CLVS1: variants seen among roughly 807,000 people sequenced by gnomAD.
CLVS1 encodes clavesin 1, also known as clavesin-1.
A neutral mutation model predicts 33.1 loss-of-function variants in CLVS1; 10 were observed. The observed-to-expected ratio is 0.30, with a 90% confidence interval of 0.19 to 0.51. The LOEUF (loss-of-function observed/expected upper bound fraction) is 0.51, where lower values mean the gene tolerates loss of function less well. Among genes scored for constraint, CLVS1 ranks in the 20% least tolerant of loss-of-function variants. The pLI is 0.97. For synonymous variants in CLVS1, 163 were observed against 166.1 expected (o/e 0.98, Z 0.14); for missense variants, 343 against 433.4 (o/e 0.79, Z 1.85).
chr8:61,185,794 C>T (rs1435966134), intron 2 of CLVS1, among the ~76,000 whole-genome samples: 1 of 152,132 alleles, frequency 6.6e-6, no homozygotes, highest in Non-Finnish European at 1.5e-5. Flanking sequence ...GGCTCAGTTT[C>T]TTCATTTGTA....
intron 1 of CLVS1, among the ~76,000 whole-genome samples, chr8:61,121,115 G>A (rs922928907): frequency 3.4e-4 from 51 of 151,872 alleles, no homozygotes; most frequent in African/African-American, 1.0e-3. Context: ...CGCAGTATTC[G>A]GGTGGGAGTG....
chr8:61,499,610 C>CACA lies in CLVS1; in HGVS notation c.*71_*73dup, dbSNP rs376574194. ...GTATCAGCCACCCAGGAAGCACATG[C>CACA]ACAACTGACCCATGCAGACACGTGT... On this transcript the variant is annotated 3_prime_UTR_variant, in exon 6 of 6. Coordinates refer to ENST00000325897, the MANE Select transcript of CLVS1 (RefSeq NM_173519.3). 27 of 1,120,164 alleles carry CACA rather than the reference C, an allele frequency of 2.4e-5. No individual in the cohort carries two copies. The highest frequency in any genetic ancestry group is 2.1e-4 in the Middle Eastern group (1 of 4,734). The allele number at this position is 1,120,164 out of a possible 1,614,324, so 69.4% of individuals were successfully genotyped here.
At chr8:61,251,649 T>C (rs1453092412) in intron 2 of CLVS1, among the ~76,000 whole-genome samples, 1 of 152,210 alleles carries the variant, frequency 6.6e-6, no homozygotes, top group Non-Finnish European at 1.5e-5. Flanking sequence ...TGGGAGAGTG[T>C]ATGTGTTTAG....
intron 1 of CLVS1, among the ~76,000 whole-genome samples, chr8:61,107,523 C>T (rs1014667994): frequency 6.6e-6 from 1 of 152,330 alleles, no homozygotes; most frequent in African/African-American, 2.4e-5. Context: ...TAATGCCCTT[C>T]ATGAGGGTGG....
intron 2 of CLVS1, among the ~76,000 whole-genome samples, chr8:61,139,251 G>A (rs778312757): frequency 3.9e-5 from 6 of 152,172 alleles, no homozygotes; most frequent in Non-Finnish European, 7.4e-5. Context: ...CCCGCGAGGC[G>A]CCGCGGGGGC....
chr8:61,366,955 T>C (rs1813235678), intron 2 of CLVS1, among the ~76,000 whole-genome samples: 1 of 152,190 alleles, frequency 6.6e-6, no homozygotes, highest in African/African-American at 2.4e-5. Context: ...TCCTACTATG[T>C]AAGAACTAGT....
At chr8:61,159,613 G>T (rs1020359939) in intron 2 of CLVS1, among the ~76,000 whole-genome samples, 1 of 152,178 alleles carries the variant, frequency 6.6e-6, no homozygotes, top group African/African-American at 2.4e-5. Flanking sequence ...TCCTACTGGG[G>T]TGGCTCTTTT....
At chr8:61,102,102 T>G (rs1805461539) in intron 1 of CLVS1, among the ~76,000 whole-genome samples, 2 of 152,160 alleles carry the variant, frequency 1.3e-5, no homozygotes, top group African/African-American at 4.8e-5. Flanking sequence ...ATATAAATTT[T>G]GGGATCAGCT....
At chr8:61,003,232 C>T in the CLVS1 span, among the ~76,000 whole-genome samples, 1 of 152,104 alleles carries the variant, frequency 6.6e-6, no homozygotes, top group Admixed American at 6.5e-5. Context: ...TGGAAGGGGT[C>T]ACTTTCAAGG....
intron 1 of CLVS1, among the ~76,000 whole-genome samples, chr8:61,098,867 C>T (rs997076583): frequency 5.9e-5 from 9 of 152,128 alleles, no homozygotes; most frequent in Non-Finnish European, 1.2e-4. Flanking sequence ...ATATACTGAA[C>T]AGTTTGCCAA....
At chr8:61,271,351 C>G (rs945126591) in intron 2 of CLVS1, among the ~76,000 whole-genome samples, 1 of 150,390 alleles carries the variant, frequency 6.6e-6, no homozygotes, top group South Asian at 2.1e-4. Context: ...ATCCTGAGTT[C>G]TAGTTTGATT....
chr8:61,398,296 C>T (rs1814615945), intron 3 of CLVS1, among the ~76,000 whole-genome samples: 1 of 151,636 alleles, frequency 6.6e-6, no homozygotes, highest in Admixed American at 6.6e-5. Flanking sequence ...AGCCTTCCAC[C>T]TCAGCCTCCC....
intron 2 of CLVS1, among the ~76,000 whole-genome samples, chr8:61,224,600 T>C (rs906126393): frequency 1.3e-5 from 2 of 152,202 alleles, no homozygotes; most frequent in Non-Finnish European, 2.9e-5. Flanking sequence ...AGTAGGATCG[T>C]TCCTGTATAA....
At chr8:61,184,430 T>C (rs543832620) in intron 2 of CLVS1, among the ~76,000 whole-genome samples, 2 of 152,330 alleles carry the variant, frequency 1.3e-5, no homozygotes, top group East Asian at 3.9e-4. Flanking sequence ...ACAGCACTGC[T>C]TCTACCAGGC....
the CLVS1 span, among the ~76,000 whole-genome samples, chr8:61,014,359 C>G: frequency 6.6e-6 from 1 of 152,166 alleles, no homozygotes; most frequent in African/African-American, 2.4e-5. Flanking sequence ...CAAATGTAAT[C>G]GGAAGCCTGA....
intron 1 of CLVS1, among the ~76,000 whole-genome samples, chr8:61,116,074 G>A (rs1342536787): frequency 6.6e-6 from 1 of 151,330 alleles, no homozygotes; most frequent in South Asian, 2.1e-4. Context: ...ATTCTAACTG[G>A]TGTGAGATGG....
At chr8:61,101,944 T>C (rs1401647131) in intron 1 of CLVS1, among the ~76,000 whole-genome samples, 1 of 152,184 alleles carries the variant, frequency 6.6e-6, no homozygotes, top group Non-Finnish European at 1.5e-5. Flanking sequence ...ACTCTCGATA[T>C]ATTTCGTTGA....
At chr8:61,253,913 C>T (rs1809010893) in intron 2 of CLVS1, among the ~76,000 whole-genome samples, 1 of 152,184 alleles carries the variant, frequency 6.6e-6, no homozygotes, top group South Asian at 2.1e-4. Context: ...GCCTTCTTCT[C>T]TCAACTCGTC....
chr8:61,258,756 T>C (rs2129592078), intron 2 of CLVS1, among the ~76,000 whole-genome samples: 1 of 152,362 alleles, frequency 6.6e-6, no homozygotes, highest in South Asian at 2.1e-4. Flanking sequence ...AATTTCTGTA[T>C]ACTTAGATTA....
Sources: allele counts gnomAD v4.1 joint callset (sites outside exome capture counted in the v4.1 genomes callset), GRCh38; gene constraint gnomAD v4.1.1; transcripts MANE v1.5; gene names NCBI Gene and HGNC (gene_info 2026-07-23, HGNC 2026-07-21).